SFT2D1: variants seen among roughly 807,000 people sequenced by gnomAD.
The protein encoded by SFT2D1 is SFT2 domain containing 1.
In SFT2D1, 24 loss-of-function variants were observed where a neutral mutation model predicts 28.1. The observed-to-expected ratio is 0.85, with a 90% CI of 0.62 to 1.20. The LOEUF is 1.20. Ranked by LOEUF, SFT2D1 falls within the 50% of genes most tolerant of loss-of-function variation. The pLI is 0.00. For missense variants in SFT2D1, 181 were observed against 190.9 expected (o/e 0.95, Z 0.31); for synonymous variants, 82 against 73.7 (o/e 1.11, Z -0.58).
At chr6:166,331,140 C>G (rs1483973507) in intron 1 of SFT2D1, among the ~76,000 whole-genome samples, 2 of 152,186 alleles carry the variant, frequency 1.3e-5, no homozygotes, top group Non-Finnish European at 2.9e-5. Context: ...TAAACACACT[C>G]AGATTACTAA....
At chr6:166,342,039 T>C (rs1778791576) in intron 1 of SFT2D1, among the ~76,000 whole-genome samples, 1 of 152,166 alleles carries the variant, frequency 6.6e-6, no homozygotes, top group African/African-American at 2.4e-5. Context: ...CACTGCAGCT[T>C]GCAGGATAAA....
At chr6:166,338,483 T>C (rs1024132636) in intron 1 of SFT2D1, among the ~76,000 whole-genome samples, 3 of 151,882 alleles carry the variant, frequency 2.0e-5, no homozygotes, top group East Asian at 1.9e-4. Context: ...AGGGGCAGAG[T>C]AACTGGGTCA....
At chr6:166,339,265 C>G (rs941834711) in intron 1 of SFT2D1, among the ~76,000 whole-genome samples, 2 of 152,110 alleles carry the variant, frequency 1.3e-5, no homozygotes, top group African/African-American at 4.8e-5. Flanking sequence ...CTTGGACAGG[C>G]AGTGAGCTAG....
chr6:166,341,705 G>T (rs1174654722), intron 1 of SFT2D1, among the ~76,000 whole-genome samples: 1 of 151,788 alleles, frequency 6.6e-6, no homozygotes, highest in Non-Finnish European at 1.5e-5. Context: ...CAATATAATC[G>T]CATGCAATAA....
chr6:166,325,394 T>C (rs963765572), intron 5 of SFT2D1, among the ~76,000 whole-genome samples: 1 of 152,200 alleles, frequency 6.6e-6, no homozygotes, highest in African/African-American at 2.4e-5. Context: ...GGGAAATAGG[T>C]TGAGTACAAT....
chr6:166,323,238 T>C (rs1259790014), intron 6 of SFT2D1: 4 of 200,850 alleles, frequency 2.0e-5, no homozygotes, highest in Non-Finnish European at 4.0e-5. Context: ...AAATCAATTA[T>C]TAGTTACAAA....
intron 1 of SFT2D1, among the ~76,000 whole-genome samples, chr6:166,336,964 A>G (rs7771603): frequency 0.23 from 34,606 of 152,154 alleles, 4,100 homozygotes; most frequent in East Asian, 0.34. Flanking sequence ...TTAAGTTTCA[A>G]CATAGGAATT....
At chr6:166,332,945 C>T (rs889948981) in intron 1 of SFT2D1, among the ~76,000 whole-genome samples, 4 of 152,174 alleles carry the variant, frequency 2.6e-5, no homozygotes, top group Admixed American at 1.3e-4. Context: ...CTTTAAGTGA[C>T]GGAGAAGCTG....
Position 166,320,088 on chromosome 6 carries a change from TGA to T in SFT2D1, c.*127_*128del. The T allele has an allele frequency of 1.4e-6, 1 of 740,336 alleles. No individual in the cohort carries two copies. The highest frequency in any genetic ancestry group is 1.7e-5 in the South Asian group (1 of 58,554). The allele number at this position is 740,336 out of a possible 1,614,324, so 45.9% of individuals were successfully genotyped here. ...ATGTAGTTTTTACCAGTATACAAAA[TGA>T]GACTTAGTACAAAACGGTCTTCAAC... On this transcript the variant is annotated 3_prime_UTR_variant, in exon 8 of 8. Transcript: ENST00000361731.
intron 5 of SFT2D1, 102 bp downstream of exon 5, chr6:166,326,029 TA>T (rs1562442590): frequency 8.6e-7 from 1 of 1,164,516 alleles, no homozygotes. Flanking sequence ...TAGAGAGTTT[TA>T]AAAAAACAGA....
chr6:166,328,481 T>A (rs965474530), intron 3 of SFT2D1, 124 bp from the exon 4 acceptor site: 19 of 495,736 alleles, frequency 3.8e-5, no homozygotes, highest in East Asian at 3.1e-4. Flanking sequence ...CTCACTAAAA[T>A]TTTTTTTTTC....
At chr6:166,326,379 A>G (rs959963324) in intron 4 of SFT2D1, among the ~76,000 whole-genome samples, 2 of 152,230 alleles carry the variant, frequency 1.3e-5, no homozygotes, top group African/African-American at 2.4e-5. Flanking sequence ...GAAGCATCTA[A>G]TAATTTAATC....
At chr6:166,331,773 G>A (rs1308883011) in intron 1 of SFT2D1, among the ~76,000 whole-genome samples, 6 of 152,148 alleles carry the variant, frequency 3.9e-5, no homozygotes, top group Non-Finnish European at 8.8e-5. Flanking sequence ...ACATCACGCT[G>A]TACACAATAA....
chr6:166,323,830 T>C (rs550387283), intron 6 of SFT2D1: 15 of 152,296 alleles, frequency 9.8e-5, no homozygotes, highest in African/African-American at 3.4e-4. Context: ...CTGAGCATCA[T>C]GTCAGCGTTC....
chr6:166,335,927 A>C (rs1778641465), intron 1 of SFT2D1, among the ~76,000 whole-genome samples: 1 of 152,238 alleles, frequency 6.6e-6, no homozygotes, highest in Non-Finnish European at 1.5e-5. Context: ...AAAAAACTCC[A>C]GGACTGTATT....
chr6:166,321,493 T>G (rs1344059796), intron 7 of SFT2D1, among the ~76,000 whole-genome samples: 1 of 152,202 alleles, frequency 6.6e-6, no homozygotes, highest in Non-Finnish European at 1.5e-5. Flanking sequence ...AAATTACCCT[T>G]GCACACTCCT....
intron 1 of SFT2D1, among the ~76,000 whole-genome samples, chr6:166,336,811 C>T (rs1778664649): frequency 6.6e-6 from 1 of 152,254 alleles, no homozygotes; most frequent in Non-Finnish European, 1.5e-5. Context: ...CCCAAGCAAT[C>T]CTCCTGCCTC....
chr6:166,331,724 G>C (rs2114903979), intron 1 of SFT2D1, among the ~76,000 whole-genome samples: 1 of 152,296 alleles, frequency 6.6e-6, no homozygotes, highest in East Asian at 1.9e-4. Flanking sequence ...ACGCCCATCA[G>C]CTTCATTTAA....
At chr6:166,332,513 C>A (rs1778570496) in intron 1 of SFT2D1, among the ~76,000 whole-genome samples, 1 of 152,176 alleles carries the variant, frequency 6.6e-6, no homozygotes, top group South Asian at 2.1e-4. Flanking sequence ...CCTCGGTCTC[C>A]CAAAGTGCTG....
Sources: allele counts gnomAD v4.1 joint callset (sites outside exome capture counted in the v4.1 genomes callset), GRCh38; gene constraint gnomAD v4.1.1; transcripts MANE v1.5; gene names NCBI Gene and HGNC (gene_info 2026-07-23, HGNC 2026-07-21).